Variants in PPP2R3B observed in about 807,000 individuals in gnomAD.
PPP2R3B encodes the protein serine/threonine-protein phosphatase 2A regulatory subunit B'' subunit beta.
A neutral mutation model predicts 72.9 loss-of-function variants in PPP2R3B; 68 were observed. The observed-to-expected ratio is 0.93, with a 90% CI of 0.77 to 1.14. The LOEUF (loss-of-function observed/expected upper bound fraction) is 1.14. Among genes scored for constraint, PPP2R3B ranks in the 50% most tolerant of loss-of-function variants. The pLI, the probability that PPP2R3B is intolerant of heterozygous loss-of-function variation, is 0.00. For synonymous variants in PPP2R3B, 466 were observed against 375.8 expected, an observed-to-expected ratio of 1.24 and a Z score of -2.78; for missense variants, 1,018 against 842.0, an observed-to-expected ratio of 1.21 and a Z score of -2.59.
intron 2 of PPP2R3B, among the ~76,000 whole-genome samples, chrX:349,493 C>G (rs543320908): frequency 1.9e-4 from 29 of 152,302 alleles, no homozygotes; most frequent in African/African-American, 6.5e-4. Context: ...AGTGTCACCA[C>G]CAAGGCCGCC....
chrX:361,266 C>G, intron 2 of PPP2R3B, 139 bp downstream of exon 2: 1 of 932,648 alleles, frequency 1.1e-6, no homozygotes, highest in Non-Finnish European at 1.6e-6. Context: ...CGCTCCCGCA[C>G]ACGTGTGAAA....
At position 386,414 on chromosome X, in the gene PPP2R3B, T is replaced by A; in HGVS notation, c.278A>T (p.Asn93Ile). 7.6e-7 allele frequency: 1 copy of A among 1,319,224 alleles called. No homozygotes were observed. 81.7% of individuals were successfully genotyped at this position (1,319,224 alleles called of 1,614,324 possible). Residue 93 changes from asparagine to isoleucine, a missense_variant, in exon 1 of 13, where the codon AAC (asparagine) becomes ATC (isoleucine). Physicochemically the swap from Asn to Ile is moderately radical, Grantham distance 149. Coordinates refer to ENST00000390665, the MANE Select transcript of PPP2R3B (RefSeq NM_013239.5). Reference protein sequence around the residue: ...LPLGAASSPRNAPHVRGTRRS... With the variant: ...LPLGAASSPRIAPHVRGTRRS... ...ACGGGTGCCTCGAACGTGGGGCGCG[T>A]TCCTGGGGCTGGAGGCGGCGCCCAG...
At chrX:373,001 G>C (rs758253981) in intron 1 of PPP2R3B, among the ~76,000 whole-genome samples, 2 of 152,146 alleles carry the variant, frequency 1.3e-5, no homozygotes, top group Non-Finnish European at 2.9e-5. Flanking sequence ...AAATAGTCCG[G>C]TATGTGAGTG....
At chrX:359,805 C>G (rs371220784) in intron 2 of PPP2R3B, 1 of 506,822 alleles carries the variant, frequency 2.0e-6, no homozygotes, top group South Asian at 1.5e-5. Flanking sequence ...GCTAAAATAA[C>G]AATAAGAGGA....
At chrX:385,070 G>A (rs1487200355) in intron 1 of PPP2R3B, among the ~76,000 whole-genome samples, 1 of 151,290 alleles carries the variant, frequency 6.6e-6, no homozygotes, top group Admixed American at 6.6e-5. Context: ...GGTTGACAGA[G>A]GCTGCAGAGT....
chrX:352,974 G>A (rs2071361527), intron 2 of PPP2R3B, among the ~76,000 whole-genome samples: 1 of 151,638 alleles, frequency 6.6e-6, no homozygotes, highest in African/African-American at 2.4e-5. Context: ...CTGTGATCCT[G>A]AGTGTTGGAG....
At chrX:345,179 G>T (rs1182678909) in intron 7 of PPP2R3B, 2 of 562,148 alleles carry the variant, frequency 3.6e-6, no homozygotes, top group South Asian at 3.1e-5. Context: ...CTGAGGGAAG[G>T]CGTGTGGCCT....
intron 1 of PPP2R3B, among the ~76,000 whole-genome samples, chrX:364,511 A>C (rs1387948753): frequency 8.7e-6 from 1 of 115,398 alleles, no homozygotes; most frequent in Non-Finnish European, 1.8e-5. Flanking sequence ...TCTACTAAAA[A>C]AAAAAAAAAC....
chrX:335,677 G>A (rs1214239055), intron 12 of PPP2R3B: 4 of 152,234 alleles, frequency 2.6e-5, no homozygotes, highest in Non-Finnish European at 4.4e-5. Context: ...AGAACAAAGG[G>A]GAGAAACACC....
At chrX:345,283 T>C (rs753144346) in intron 7 of PPP2R3B, 39 of 708,022 alleles carry the variant, frequency 5.5e-5, no homozygotes, top group African/African-American at 4.5e-4. Context: ...ACTGACCCTG[T>C]AGACGCCCCC....
chrX:341,161 CCGTGCAGCCCCCACCGGGCGTGCACAT>C, intron 9 of PPP2R3B, 119 bp downstream of exon 9: 7 of 763,966 alleles, frequency 9.2e-6, no homozygotes, highest in South Asian at 3.2e-5. Flanking sequence ...TCCCCCTGTG[CCGTGCAGCCCCCACCGGGCGTGCACAT>C]GTCCCCCTGT....
chrX:355,619 A>G (rs776178866), intron 2 of PPP2R3B, among the ~76,000 whole-genome samples: 2 of 152,294 alleles, frequency 1.3e-5, no homozygotes, highest in Admixed American at 6.5e-5. Context: ...ACACACGCAC[A>G]TGGAACACCG....
Position 386,429 on chromosome X carries a change from G to A in PPP2R3B, c.263C>T (p.Ala88Val). Residue 88 changes from alanine (A) to valine (V), a missense_variant, in exon 1 of 13, where the codon GCC becomes GTC. Physicochemically the swap from Ala to Val is moderately conservative, Grantham distance 64 (BLOSUM62 0). Coordinates refer to ENST00000390665, the MANE Select transcript of PPP2R3B (RefSeq NM_013239.5). ...GTGGGGCGCGTTCCTGGGGCTGGAGGCGGCGCCCAGGGGCAGCGCAGGGCC... is the reference window on the plus strand; with the variant it reads ...GTGGGGCGCGTTCCTGGGGCTGGAGACGGCGCCCAGGGGCAGCGCAGGGCC... ...GPGPALPLGAASSPRNAPHVR... is the reference protein window; with the variant it reads ...GPGPALPLGAVSSPRNAPHVR... The A allele has an allele frequency of 7.6e-7, 1 of 1,318,708 alleles. No individual in the cohort carries two copies. 81.7% of individuals were successfully genotyped at this position (1,318,708 alleles called of 1,614,324 possible).
At chrX:385,720 GTGTT>G (rs2072232824) in intron 1 of PPP2R3B, among the ~76,000 whole-genome samples, 2 of 152,134 alleles carry the variant, frequency 1.3e-5, no homozygotes, top group South Asian at 4.1e-4. Flanking sequence ...AAGTCCAACT[GTGTT>G]TGCGCCACTG....
At chrX:345,266 G>A (rs755334115) in intron 7 of PPP2R3B, 4 of 690,828 alleles carry the variant, frequency 5.8e-6, no homozygotes, top group African/African-American at 5.3e-5. Flanking sequence ...CAGGACCAGC[G>A]GCCCACACTG....
At chrX:343,029 T>G (rs371257163) in intron 7 of PPP2R3B, among the ~76,000 whole-genome samples, 21 of 9,060 alleles carry the variant, frequency 2.3e-3, no homozygotes, top group African/African-American at 5.3e-3. Flanking sequence ...GAGGCGGGAG[T>G]GAGACCTCAG....
At chrX:337,462 G>A (rs1279529784) in intron 12 of PPP2R3B, 2 of 152,246 alleles carry the variant, frequency 1.3e-5, no homozygotes, top group African/African-American at 4.8e-5. Context: ...AAGCAGAACT[G>A]AGAAGCTCAG....
intron 1 of PPP2R3B, among the ~76,000 whole-genome samples, chrX:368,267 G>T (rs1310907938): frequency 3.4e-5 from 5 of 145,362 alleles, no homozygotes; most frequent in African/African-American, 1.3e-4. Flanking sequence ...ACAGACACGG[G>T]GAAGGCCGGG....
chrX:347,771 C>G (rs953339108), intron 2 of PPP2R3B, 78 bp from the exon 3 acceptor site: 8 of 1,079,020 alleles, frequency 7.4e-6, no homozygotes, highest in Admixed American at 6.0e-5. Flanking sequence ...CGCGCCTGAC[C>G]GACGCCGCCC....
Sources: gnomAD v4.1 joint callset for allele counts (sites outside exome capture counted in the v4.1 genomes callset) on GRCh38, gnomAD v4.1.1 for gene constraint, MANE v1.5 for transcripts, NCBI Gene and HGNC (gene_info 2026-07-23, HGNC 2026-07-21) for gene names.